VPS13B: variants seen among roughly 807,000 people sequenced by gnomAD.
VPS13B encodes the protein vacuolar protein sorting 13 homolog B.
VPS13B carries 285 observed loss-of-function variants against 426.4 expected under a neutral mutation model. The observed-to-expected ratio is 0.67, with a 90% CI of 0.61 to 0.74. VPS13B has a LOEUF of 0.74. Ranked by LOEUF, VPS13B falls within the 30% of genes least tolerant of loss-of-function variation. VPS13B has a pLI of 0.00. For synonymous variants in VPS13B, 1,676 were observed against 1,676.4 expected (o/e 1.00, Z 0.01); for missense variants, 4,537 against 4,782.6 (o/e 0.95, Z 1.51).
intron 54 of VPS13B, 151 bp downstream of exon 54, chr8:99,835,889 T>A: frequency 1.2e-6 from 1 of 806,434 alleles, no homozygotes; most frequent in Non-Finnish European, 2.0e-6. Context: ...ACGTCCTCAT[T>A]AAGTTATAAA....
At chr8:99,323,800 C>T (rs1179042230) in intron 19 of VPS13B, among the ~76,000 whole-genome samples, 5 of 152,164 alleles carry the variant, frequency 3.3e-5, no homozygotes, top group African/African-American at 1.2e-4. Context: ...CTTGATTGTG[C>T]TCTGATACAA....
At chr8:99,281,368 G>A (rs1403317959) in intron 19 of VPS13B, among the ~76,000 whole-genome samples, 4 of 152,198 alleles carry the variant, frequency 2.6e-5, no homozygotes, top group Non-Finnish European at 4.4e-5. Flanking sequence ...CACTTCTTGC[G>A]AATGGAGGCA....
intron 16 of VPS13B, among the ~76,000 whole-genome samples, chr8:99,190,330 A>G (rs1246577078): frequency 1.3e-5 from 2 of 151,362 alleles, no homozygotes; most frequent in African/African-American, 4.9e-5. Context: ...TTTAAAGTGG[A>G]TATATATGGG....
At chr8:99,328,717 A>G (rs1002716994) in intron 19 of VPS13B, among the ~76,000 whole-genome samples, 1 of 152,162 alleles carries the variant, frequency 6.6e-6, no homozygotes, top group Admixed American at 6.6e-5. Flanking sequence ...GCAAATAAAG[A>G]AGCAGTTAAT....
At chr8:99,855,767 A>G (rs1408429285) in intron 56 of VPS13B, among the ~76,000 whole-genome samples, 1 of 152,214 alleles carries the variant, frequency 6.6e-6, no homozygotes, top group Non-Finnish European at 1.5e-5. Context: ...ACTCTTTTAT[A>G]AAAGATAACA....
intron 25 of VPS13B, among the ~76,000 whole-genome samples, chr8:99,500,407 A>T (rs1441235368): frequency 1.3e-5 from 2 of 152,184 alleles, no homozygotes; most frequent in East Asian, 3.8e-4. Context: ...AATGATAATT[A>T]TAACTACAAT....
chr8:99,301,694 T>C (rs1210263846), intron 19 of VPS13B, among the ~76,000 whole-genome samples: 1 of 152,230 alleles, frequency 6.6e-6, no homozygotes. Flanking sequence ...AAGGTATTTA[T>C]GTAAGATAAG....
intron 61 of VPS13B, among the ~76,000 whole-genome samples, 158 bp downstream of exon 61, chr8:99,871,855 A>G (rs191143093): frequency 2.7e-4 from 41 of 151,856 alleles, no homozygotes; most frequent in Admixed American, 2.4e-3. Flanking sequence ...TAGAGGCCGG[A>G]GGGCCGCTGC....
intron 36 of VPS13B, among the ~76,000 whole-genome samples, chr8:99,714,247 G>A (rs1832823623): frequency 6.6e-6 from 1 of 151,730 alleles, no homozygotes; most frequent in East Asian, 1.9e-4. Context: ...TGTAAATAAT[G>A]ATAGTATTGG....
chr8:99,474,398 G>A (rs1819583765), intron 24 of VPS13B, among the ~76,000 whole-genome samples: 1 of 151,948 alleles, frequency 6.6e-6, no homozygotes, highest in Middle Eastern at 3.4e-3. Flanking sequence ...TGTTGACCAG[G>A]CTGGTCTCAA....
intron 24 of VPS13B, among the ~76,000 whole-genome samples, chr8:99,474,621 C>T (rs578184382): frequency 2.0e-5 from 3 of 152,158 alleles, no homozygotes; most frequent in African/African-American, 7.2e-5. Flanking sequence ...TGAAAATATG[C>T]CCAATATCAT....
At chr8:99,570,466 A>G (rs1409511120) in intron 31 of VPS13B, among the ~76,000 whole-genome samples, 3 of 151,976 alleles carry the variant, frequency 2.0e-5, no homozygotes, top group Non-Finnish European at 4.4e-5. Flanking sequence ...TATCCCACCT[A>G]TTATGTCTTT....
intron 19 of VPS13B, chr8:99,340,421 CAA>C: frequency 4.2e-6 from 2 of 473,808 alleles, no homozygotes; most frequent in South Asian, 1.7e-5. Flanking sequence ...CAGAAAAGAT[CAA>C]AGTGTTTCAA....
intron 43 of VPS13B, 109 bp from the exon 44 acceptor site, chr8:99,809,266 A>G: frequency 2.1e-6 from 3 of 1,417,584 alleles, no homozygotes; most frequent in Non-Finnish European, 2.9e-6. Flanking sequence ...AAGAAAACAG[A>G]TGCAAAATAT....
chr8:99,494,918 G>A (rs1351780756), intron 25 of VPS13B, among the ~76,000 whole-genome samples: 1 of 150,978 alleles, frequency 6.6e-6, no homozygotes, highest in Non-Finnish European at 1.5e-5. Context: ...CATGTTAGTT[G>A]TACTTTTTAT....
intron 19 of VPS13B, among the ~76,000 whole-genome samples, chr8:99,315,303 G>T (rs1809560492): frequency 6.7e-6 from 1 of 149,640 alleles, no homozygotes; most frequent in Non-Finnish European, 1.5e-5. Flanking sequence ...TCTGTGTCAT[G>T]CAGGCTTTGT....
At chr8:99,615,203 A>G (rs969763422) in intron 33 of VPS13B, among the ~76,000 whole-genome samples, 1 of 152,076 alleles carries the variant, frequency 6.6e-6, no homozygotes, top group African/African-American at 2.4e-5. Flanking sequence ...CTTTGTTTCA[A>G]TGTAATAATT....
chr8:99,433,239 C>T (rs902678441), intron 22 of VPS13B, among the ~76,000 whole-genome samples: 4 of 152,174 alleles, frequency 2.6e-5, no homozygotes, highest in Non-Finnish European at 4.4e-5. Flanking sequence ...TCTTCACCCA[C>T]CATGGGAAAT....
At chr8:99,690,304 C>T (rs890367194) in intron 35 of VPS13B, among the ~76,000 whole-genome samples, 3 of 152,090 alleles carry the variant, frequency 2.0e-5, no homozygotes, top group Admixed American at 6.6e-5. Flanking sequence ...AGCACTAATT[C>T]AGGAAAGATC....
Sources: allele counts gnomAD v4.1 joint callset (sites outside exome capture counted in the v4.1 genomes callset), GRCh38; gene constraint gnomAD v4.1.1; transcripts MANE v1.5; gene names NCBI Gene and HGNC (gene_info 2026-07-23, HGNC 2026-07-21).